RIMBP2: variants seen among roughly 807,000 people sequenced by gnomAD.
RIMBP2 encodes RIMS-binding protein 2.
RIMBP2 carries 48 observed loss-of-function variants against 118.6 expected under a neutral mutation model. The ratio of observed to expected loss-of-function variants is 0.40; its 90% CI spans 0.32 to 0.51. The LOEUF (loss-of-function observed/expected upper bound fraction) is 0.51. Among genes scored for constraint, RIMBP2 ranks in the 20% least tolerant of loss-of-function variants. The probability of loss-of-function intolerance (pLI) is 0.41; values close to 1 mark genes in which losing one functional copy is unlikely to be tolerated. For missense variants in RIMBP2, 1,551 were observed against 1,768.3 expected (o/e 0.88, Z 2.20); for synonymous variants, 762 against 742.9 (o/e 1.03, Z -0.42).
intron 1 of RIMBP2, among the ~76,000 whole-genome samples, chr12:130,645,011 G>A (rs539671194): frequency 7.0e-4 from 106 of 152,224 alleles, no homozygotes; most frequent in African/African-American, 2.5e-3. Context: ...CTGTGAACCC[G>A]TTGTTAAGTC....
At chr12:130,473,130 C>T (rs534065541) in intron 5 of RIMBP2, among the ~76,000 whole-genome samples, 9 of 152,358 alleles carry the variant, frequency 5.9e-5, no homozygotes, top group Non-Finnish European at 8.8e-5. Context: ...AGTACAACTT[C>T]GCTTCCAGCT....
intron 2 of RIMBP2, among the ~76,000 whole-genome samples, chr12:130,524,314 G>A (rs2052517897): frequency 6.7e-6 from 1 of 149,774 alleles, no homozygotes; most frequent in African/African-American, 2.4e-5. Context: ...CCAGAGGCAT[G>A]AGCCAGGCCA....
At chr12:130,593,145 C>T (rs1176991890) in intron 2 of RIMBP2, among the ~76,000 whole-genome samples, 1 of 152,254 alleles carries the variant, frequency 6.6e-6, no homozygotes, top group African/African-American at 2.4e-5. Context: ...CCAGCCCATT[C>T]TCACCCACTC....
At chr12:130,487,814 G>A (rs2138351328) in intron 4 of RIMBP2, among the ~76,000 whole-genome samples, 2 of 152,194 alleles carry the variant, frequency 1.3e-5, no homozygotes, top group East Asian at 3.9e-4. Context: ...CTGACACATG[G>A]TGAGGCAGAA....
rs1416312540 is a variant in RIMBP2, at chr12:130,486,625, C to A, written c.-3-7609G>T. ...CCATCTCGGCCAAGGACACCATCAT[C>A]CCCTCAGCTCCTCCAGATGCAAAGC... On this transcript the variant is annotated intron_variant, in intron 4 of 22. Transcript: ENST00000690449. 3.9e-5 allele frequency among the ~76,000 whole-genome samples: 6 copies of A among 152,078 alleles called. No homozygotes were observed. The East Asian group carries it at 1.2e-3, about 29-fold the overall frequency.
chr12:130,405,269 GTA>G (rs1397481310), intron 21 of RIMBP2, among the ~76,000 whole-genome samples: 1 of 152,208 alleles, frequency 6.6e-6, no homozygotes, highest in Admixed American at 6.5e-5. Context: ...ATGTGACAAA[GTA>G]TGAATATCCT....
intron 4 of RIMBP2, among the ~76,000 whole-genome samples, chr12:130,499,918 T>C (rs945456285): frequency 1.4e-4 from 21 of 152,350 alleles, no homozygotes; most frequent in African/African-American, 5.0e-4. Flanking sequence ...AATATATCTT[T>C]AGGTGTGGGT....
intron 1 of RIMBP2, among the ~76,000 whole-genome samples, chr12:130,677,423 T>C (rs947495970): frequency 1.3e-5 from 2 of 151,800 alleles, no homozygotes; most frequent in Non-Finnish European, 2.9e-5. Flanking sequence ...AGGTCAGGAG[T>C]TCGAGACCAG....
chr12:130,511,310 C>T lies in RIMBP2; in HGVS notation c.-126-4540G>A, dbSNP rs1247493154. ...TCTTGACTTTAGGACTGAAGACCTCCAGAGCGGTGAGACACGGTGGTGTGT... is the reference window on the plus strand; with the variant it reads ...TCTTGACTTTAGGACTGAAGACCTCTAGAGCGGTGAGACACGGTGGTGTGT... On this transcript the variant is annotated intron_variant, in intron 3 of 22. Transcript: ENST00000690449. This position sits in a 1 kb window ranked among gnomAD's most constrained non-coding sequence, Gnocchi z 4.3. Among the ~76,000 whole-genome samples the T allele has an allele frequency of 6.6e-6, 1 of 152,228 alleles. No homozygotes were observed. Among genetic ancestry groups the T allele is most frequent in the Non-Finnish European group, 1.5e-5 (1 of 68,054 alleles).
At chr12:130,433,471 C>T (rs559527602) in intron 14 of RIMBP2, among the ~76,000 whole-genome samples, 161 of 152,318 alleles carry the variant, frequency 1.1e-3, no homozygotes, top group African/African-American at 3.7e-3. Flanking sequence ...TCAGAGAGAG[C>T]ACCCTCAGCA....
At chr12:130,426,529 C>T (rs566471796) in intron 15 of RIMBP2, 27 of 152,616 alleles carry the variant, frequency 1.8e-4, no homozygotes, top group African/African-American at 5.5e-4. Flanking sequence ...CTGCCCGCCT[C>T]GGCTTCCCAA....
chr12:130,709,514 C>T (rs904314293), intron 1 of RIMBP2, among the ~76,000 whole-genome samples: 3 of 152,202 alleles, frequency 2.0e-5, no homozygotes, highest in Non-Finnish European at 4.4e-5. Context: ...GAACATGGAG[C>T]GCTTTACAGA....
In RIMBP2 at chr12:130,499,750, C is replaced by A. The variant is rs369167648; in HGVS notation, c.-4+6898G>T. Among the ~76,000 whole-genome samples the A allele has an allele frequency of 5.9e-5, 9 of 152,320 alleles. 1 individual carries two copies. In the East Asian group the frequency reaches 1.7e-3, roughly 29 times the overall value. ...CCCAACCACTAAATGTAAACCAGCT[C>A]TTCCATGACTATCACTCTTCGCCTC... is the stretch of plus-strand genomic sequence containing the variant. On this transcript the variant is annotated intron_variant, in intron 4 of 22. Coordinates refer to ENST00000690449, the MANE Select transcript of RIMBP2 (RefSeq NM_001393629.1).
At chr12:130,552,954 T>C (rs368095781) in intron 2 of RIMBP2, among the ~76,000 whole-genome samples, 6 of 151,828 alleles carry the variant, frequency 4.0e-5, no homozygotes, top group South Asian at 2.1e-4. Flanking sequence ...AGATCGAGAC[T>C]ATCCTGGCTA....
chr12:130,656,090 A>G (rs2063416302), intron 1 of RIMBP2, among the ~76,000 whole-genome samples: 1 of 152,308 alleles, frequency 6.6e-6, no homozygotes, highest in African/African-American at 2.4e-5. Context: ...GGGAGAAGGG[A>G]CATGGCCAGC....
intron 1 of RIMBP2, among the ~76,000 whole-genome samples, chr12:130,701,518 C>G (rs1180920773): frequency 6.6e-6 from 1 of 152,100 alleles, no homozygotes; most frequent in Non-Finnish European, 1.5e-5. Context: ...CCAGGGGAGC[C>G]GGGCACAGGA....
intron 1 of RIMBP2, among the ~76,000 whole-genome samples, chr12:130,644,832 G>A (rs779073404): frequency 1.3e-5 from 2 of 152,204 alleles, no homozygotes; most frequent in Non-Finnish European, 2.9e-5. Context: ...AGCACCCAAC[G>A]GCTCTGGCTG....
chr12:130,612,717 G>A (rs892566958), intron 2 of RIMBP2, among the ~76,000 whole-genome samples: 1 of 152,160 alleles, frequency 6.6e-6, no homozygotes, highest in Non-Finnish European at 1.5e-5. Context: ...TAAACAACTG[G>A]CTTCCCCAGT....
intron 1 of RIMBP2, among the ~76,000 whole-genome samples, chr12:130,673,211 A>T (rs1216134779): frequency 6.6e-6 from 1 of 152,236 alleles, no homozygotes; most frequent in Non-Finnish European, 1.5e-5. Flanking sequence ...GCTCAGGCAG[A>T]GGAGGTGGGT....
Sources: gnomAD v4.1 joint callset for allele counts (sites outside exome capture counted in the v4.1 genomes callset) on GRCh38, gnomAD v4.1.1 for gene constraint, Gnocchi (gnomAD v3.1) non-coding constraint, MANE v1.5 for transcripts, NCBI Gene and HGNC (gene_info 2026-07-23, HGNC 2026-07-21) for gene names.